The following CCT3 variants were observed in gnomAD, a reference collection of about 807,000 sequenced individuals.
The protein encoded by CCT3 is T-complex protein 1 subunit gamma.
A neutral mutation model predicts 65.3 loss-of-function variants in CCT3; 10 were observed. The observed-to-expected ratio is 0.15, with a 90% confidence interval of 0.09 to 0.26. The LOEUF (loss-of-function observed/expected upper bound fraction) is 0.26. Among genes scored for constraint, CCT3 ranks in the 10% least tolerant of loss-of-function variants. The pLI, the probability that CCT3 is intolerant of heterozygous loss-of-function variation, is 1.00. For synonymous variants in CCT3, 225 were observed against 242.3 expected, an observed-to-expected ratio of 0.93 and a Z score of 0.66; for missense variants, 626 against 708.7, an observed-to-expected ratio of 0.88 and a Z score of 1.33.
At chr1:156,319,940 C>T (rs1664482432) in intron 7 of CCT3, among the ~76,000 whole-genome samples, 1 of 152,110 alleles carries the variant, frequency 6.6e-6, no homozygotes, top group African/African-American at 2.4e-5. Flanking sequence ...CTGATGTATG[C>T]AAATACACAA....
intron 1 of CCT3, chr1:156,337,802 C>A (rs202230308): frequency 2.5e-4 from 67 of 273,164 alleles, no homozygotes; most frequent in South Asian, 9.9e-4. Flanking sequence ...GAAAAAAAAA[C>A]AAAAAAAAAC....
chr1:156,334,513 G>A (rs546594095), intron 4 of CCT3, among the ~76,000 whole-genome samples, 200 bp downstream of exon 4: 17 of 152,252 alleles, frequency 1.1e-4, no homozygotes, highest in Middle Eastern at 3.4e-3. Context: ...TTCAGAAGGA[G>A]CATGGCCCTA....
chr1:156,312,597 G>T (rs1240868057), intron 10 of CCT3, among the ~76,000 whole-genome samples: 1 of 151,988 alleles, frequency 6.6e-6, no homozygotes, highest in Non-Finnish European at 1.5e-5. Flanking sequence ...TATCAAGGAT[G>T]CAGTGAGCTG....
chr1:156,312,200 G>A lies in CCT3; in HGVS notation c.996C>T (p.Val332=). Reference sequence around the variant, plus strand: ...CTTCTCTCAGTTCCTCTGGTCGGCTGACTATCCGGGCCCCACAGGCTCTAA... The same window carrying A: ...CTTCTCTCAGTTCCTCTGGTCGGCTAACTATCCGGGCCCCACAGGCTCTAA... The part of the protein sequence containing the change: ...RIARACGARI[V]SRPEELREDD... The change falls in exon 11 of 14, where the codon GTC becomes GTT. Residue 332 remains valine (V), a synonymous_variant. Coordinates refer to ENST00000295688, the MANE Select transcript of CCT3 (RefSeq NM_005998.5). 6.2e-7 allele frequency: 1 copy of A among 1,614,072 alleles called. No individual in the cohort carries two copies. Among genetic ancestry groups the A allele is most frequent in the South Asian group, 1.1e-5 (1 of 91,060 alleles).
At chr1:156,326,649 C>CA (rs760908966) in intron 5 of CCT3, among the ~76,000 whole-genome samples, 4,082 of 65,042 alleles carry the variant, frequency 0.063, 315 homozygotes, top group African/African-American at 0.23. Context: ...GACTCCATCT[C>CA]AAAAAAAAAA....
At chr1:156,337,577 A>AT (rs1372199965) in intron 1 of CCT3, 1 of 165,498 alleles carries the variant, frequency 6.0e-6, no homozygotes, top group Non-Finnish European at 1.3e-5. Context: ...GGGAAAAGGG[A>AT]TTGCTGTTCA....
Position 156,317,243 on chromosome 1 carries a change from T to G in CCT3, c.897A>C (p.Leu299Phe). The change falls in exon 10 of 14, where the codon TTA becomes TTC. Residue 299 changes from leucine to phenylalanine, a missense_variant. Coordinates refer to ENST00000295688, the MANE Select transcript of CCT3 (RefSeq NM_005998.5). ...TGGCCCGCATAAGGTAGTGCTGAGC[T>G]AAATCTACAAATCCAAGAGTAGAGA... Reference protein sequence around the residue: ...VVITEKGISDLAQHYLMRANI... With the variant: ...VVITEKGISDFAQHYLMRANI... 6.2e-7 allele frequency: 1 copy of G among 1,614,120 alleles called. No homozygotes were observed.
At chr1:156,335,694 G>C (rs568150557) in intron 2 of CCT3, 133 bp downstream of exon 2, 5 of 650,728 alleles carry the variant, frequency 7.7e-6, no homozygotes, top group South Asian at 4.3e-5. Context: ...AAAATGTTCT[G>C]AAAGAGGTCA....
chr1:156,328,482 A>G (rs1570931926), intron 5 of CCT3, among the ~76,000 whole-genome samples: 1 of 152,162 alleles, frequency 6.6e-6, no homozygotes, highest in East Asian at 1.9e-4. Flanking sequence ...AGAAGTAGAC[A>G]TGGGAGACTT....
At chr1:156,330,540 T>C (rs1665060682) in intron 5 of CCT3, among the ~76,000 whole-genome samples, 2 of 151,874 alleles carry the variant, frequency 1.3e-5, no homozygotes, top group African/African-American at 2.4e-5. Context: ...GGCATGCGCC[T>C]ATAATCCCAG....
intron 10 of CCT3, among the ~76,000 whole-genome samples, chr1:156,314,693 GA>G (rs1553301303): frequency 2.0e-5 from 3 of 151,974 alleles, no homozygotes; most frequent in Non-Finnish European, 4.4e-5. Context: ...CAGCGTGGGC[GA>G]CAAGAGCGAA....
intron 5 of CCT3, among the ~76,000 whole-genome samples, chr1:156,327,524 C>T (rs1478972314): frequency 2.6e-5 from 4 of 152,042 alleles, no homozygotes; most frequent in Admixed American, 6.5e-5. Context: ...AGCTCCTAAC[C>T]GCGAGTGATC....
chr1:156,324,908 T>C (rs1664737320), intron 6 of CCT3, 64 bp downstream of exon 6: 19 of 1,111,580 alleles, frequency 1.7e-5, no homozygotes, highest in Non-Finnish European at 2.5e-5. Flanking sequence ...ATGACAGCCA[T>C]GAGCCACCAC....
At chr1:156,328,941 A>G (rs534343617) in intron 5 of CCT3, among the ~76,000 whole-genome samples, 1 of 152,350 alleles carries the variant, frequency 6.6e-6, no homozygotes, top group African/African-American at 2.4e-5. Context: ...TTTCAATTCC[A>G]AAGTGTCAAT....
At position 156,334,943 on chromosome 1, in the gene CCT3, C is replaced by G. The variant is rs765184413; in HGVS notation, c.94-25G>C. 5.6e-6 allele frequency: 9 copies of G among 1,610,010 alleles called. No homozygotes were observed. In the South Asian group the frequency reaches 9.9e-5, roughly 18 times the overall value. ...TCTAATGGAAAGGGAACATAAAATACGCAAGCACAAATCAGAGGACAGTGT... is the reference window on the plus strand; with the variant it reads ...TCTAATGGAAAGGGAACATAAAATAGGCAAGCACAAATCAGAGGACAGTGT... On this transcript the variant is annotated intron_variant, in intron 2 of 13. Coordinates refer to ENST00000295688, the MANE Select transcript of CCT3 (RefSeq NM_005998.5).
Position 156,336,273 on chromosome 1 carries a change from T to TA in CCT3, c.32-386dup, listed in dbSNP as rs1665348678. ...TGAGATTATGTGAGAAAATGAGAGA[T>TA]ACTGCAATTTTTTTTTTTTCCGGAA... On this transcript the variant is annotated intron_variant, in intron 1 of 13. Transcript: ENST00000295688. 9.9e-5 allele frequency among the ~76,000 whole-genome samples: 13 copies of TA among 131,912 alleles called. No homozygotes were observed. In the South Asian group the frequency reaches 3.3e-3, roughly 33 times the overall value. 86.5% of individuals were successfully genotyped at this position (131,912 alleles called of 152,430 possible). A position where few individuals can be genotyped will look rare whatever the true frequency, so the allele number is the denominator to read the frequency against.
intron 13 of CCT3, 72 bp from the exon 14 acceptor site, chr1:156,309,375 T>A (rs1427190806): frequency 1.1e-5 from 11 of 991,040 alleles, no homozygotes; most frequent in Non-Finnish European, 3.2e-6. Context: ...TTTAGATCTA[T>A]CACCTAGATG....
chr1:156,326,638 A>T (rs1267593027), intron 5 of CCT3, among the ~76,000 whole-genome samples: 1 of 142,614 alleles, frequency 7.0e-6, no homozygotes, highest in East Asian at 2.0e-4. Flanking sequence ...CCACAGAGTG[A>T]GACTCCATCT....
intron 6 of CCT3, among the ~76,000 whole-genome samples, chr1:156,323,928 A>T (rs1011700375): frequency 2.0e-5 from 3 of 149,040 alleles, no homozygotes; most frequent in East Asian, 2.0e-4. Context: ...ACACCTGGCT[A>T]ATTTTTGCAT....
Sources: gnomAD v4.1 joint callset for allele counts (sites outside exome capture counted in the v4.1 genomes callset) on GRCh38, gnomAD v4.1.1 for gene constraint, MANE v1.5 for transcripts, NCBI Gene and HGNC (gene_info 2026-07-23, HGNC 2026-07-21) for gene names.